The following ZNF385D variants were observed in gnomAD, a reference collection of about 807,000 sequenced individuals.
ZNF385D encodes zinc finger protein 659.
Under a neutral mutation model 35.8 loss-of-function variants are expected in ZNF385D, and 15 were observed. That is an observed-to-expected ratio of 0.42 (90% CI 0.28 to 0.64). The LOEUF (loss-of-function observed/expected upper bound fraction) is 0.64. Among genes scored for constraint, ZNF385D ranks in the 30% least tolerant of loss-of-function variants. The pLI, the probability that ZNF385D is intolerant of heterozygous loss-of-function variation, is 0.23. For missense variants in ZNF385D, 474 were observed against 494.6 expected (o/e 0.96, Z 0.39); for synonymous variants, 212 against 186.8 (o/e 1.13, Z -1.10).
chr3:22,207,484 C>G (rs1697232762), intron 2 of ZNF385D, among the ~76,000 whole-genome samples: 1 of 151,884 alleles, frequency 6.6e-6, no homozygotes, highest in Non-Finnish European at 1.5e-5. Context: ...AACCATGAAA[C>G]TACTATAATA....
chr3:22,195,070 T>C (rs1161691493), intron 2 of ZNF385D, among the ~76,000 whole-genome samples: 2 of 151,932 alleles, frequency 1.3e-5, no homozygotes, highest in Non-Finnish European at 2.9e-5. Flanking sequence ...GAAAGTATTA[T>C]TTTGAATTTC....
chr3:21,901,477 G>T (rs922523293), intron 3 of ZNF385D, among the ~76,000 whole-genome samples: 1 of 152,180 alleles, frequency 6.6e-6, no homozygotes, highest in Non-Finnish European at 1.5e-5. Context: ...TAATAATAGT[G>T]TGGGAGTAGG....
In ZNF385D at chr3:21,420,633, A is replaced by T. The variant is rs918442549; in HGVS notation, c.*581T>A. 3.9e-5 allele frequency: 6 copies of T among 152,264 alleles called. No homozygotes were observed. The highest frequency in any genetic ancestry group is 1.4e-4 in the African/African-American group (6 of 41,420). 9.4% of individuals were successfully genotyped at this position (152,264 alleles called of 1,614,324 possible). ...CATTCTACCTTTGCAATTCTTTAAA[A>T]CCTAGTGGCATAGATTGAGACACAG... On this transcript the variant is annotated 3_prime_UTR_variant, in exon 8 of 8. Coordinates refer to ENST00000281523, the MANE Select transcript of ZNF385D (RefSeq NM_024697.3).
chr3:21,756,083 T>G (rs9310657), upstream of ZNF385D, among the ~76,000 whole-genome samples: 103,356 of 151,932 alleles, frequency 0.68, 36,204 homozygotes, highest in East Asian at 0.9. Context: ...TTGACATGCT[T>G]CAACAAGTTC....
chr3:21,514,560 A>G lies in ZNF385D; in HGVS notation c.277-3537T>C, dbSNP rs115302530. On this transcript the variant is annotated intron_variant, in intron 3 of 7. Transcript: ENST00000281523. ...CTGTATAACAAGTAGCGGAATCTAA[A>G]TCAGTCACAGCAACTGGACTTAAGT... Among the ~76,000 whole-genome samples the G allele has an allele frequency of 2.5e-3, 382 of 152,198 alleles. 3 individuals are homozygous for G. The highest frequency in any genetic ancestry group is 8.8e-3 in the African/African-American group (366 of 41,554).
At chr3:22,262,344 G>A (rs989348587) in intron 2 of ZNF385D, among the ~76,000 whole-genome samples, 3 of 151,992 alleles carry the variant, frequency 2.0e-5, no homozygotes, top group East Asian at 3.9e-4. Context: ...ATGGAAGAAT[G>A]GGTAAGAAAT....
At chr3:22,211,898 A>C (rs1006546038) in intron 2 of ZNF385D, among the ~76,000 whole-genome samples, 1 of 152,010 alleles carries the variant, frequency 6.6e-6, no homozygotes. Flanking sequence ...TTTTTAATTC[A>C]ACAATATGAT....
chr3:21,422,478 C>T (rs151158905), intron 7 of ZNF385D, among the ~76,000 whole-genome samples: 25 of 152,200 alleles, frequency 1.6e-4, no homozygotes, highest in African/African-American at 5.1e-4. Flanking sequence ...GGAACTTCTC[C>T]CTAACTCATT....
intron 3 of ZNF385D, among the ~76,000 whole-genome samples, chr3:22,024,086 T>C (rs760688089): frequency 3.3e-5 from 5 of 152,028 alleles, no homozygotes; most frequent in Non-Finnish European, 7.4e-5. Context: ...CCTAATCAGC[T>C]GCCAGTGAAT....
chr3:21,713,221 C>T (rs1471823644), intron 1 of ZNF385D, among the ~76,000 whole-genome samples: 3 of 152,180 alleles, frequency 2.0e-5, no homozygotes, highest in African/African-American at 7.2e-5. Flanking sequence ...ACAAGAAGAG[C>T]CAGCAGTGTA....
intron 3 of ZNF385D, among the ~76,000 whole-genome samples, chr3:21,975,121 C>G (rs1182862635): frequency 6.6e-6 from 1 of 152,162 alleles, no homozygotes; most frequent in Admixed American, 6.5e-5. Flanking sequence ...TGCACTTCCA[C>G]AGTTTGTGGC....
At chr3:21,434,461 C>T (rs1302259735) in intron 5 of ZNF385D, among the ~76,000 whole-genome samples, 2 of 152,040 alleles carry the variant, frequency 1.3e-5, no homozygotes, top group Admixed American at 6.6e-5. Context: ...CCTGGATTTC[C>T]CCATACCACA....
chr3:21,781,667 T>C (rs1398887017), intron 3 of ZNF385D, among the ~76,000 whole-genome samples: 1 of 152,084 alleles, frequency 6.6e-6, no homozygotes, highest in Non-Finnish European at 1.5e-5. Context: ...CTTGACGACA[T>C]GAGCCAGACA....
chr3:22,201,861 G>C (rs1696821712), intron 2 of ZNF385D, among the ~76,000 whole-genome samples: 1 of 151,482 alleles, frequency 6.6e-6, no homozygotes, highest in Non-Finnish European at 1.5e-5. Flanking sequence ...TATTTTCTCA[G>C]TTCTTCATTG....
At chr3:21,983,132 C>T (rs1481433555) in intron 3 of ZNF385D, among the ~76,000 whole-genome samples, 2 of 147,536 alleles carry the variant, frequency 1.4e-5, no homozygotes, top group Admixed American at 6.7e-5. Flanking sequence ...AGTCCCTCCT[C>T]CTCAATTTTT....
At chr3:22,352,127 G>C (rs950861099) in intron 2 of ZNF385D, among the ~76,000 whole-genome samples, 3 of 152,134 alleles carry the variant, frequency 2.0e-5, no homozygotes, top group Non-Finnish European at 4.4e-5. Context: ...CACCCTGCAA[G>C]ACTAAGAAGT....
chr3:22,240,106 C>T (rs566655647), intron 2 of ZNF385D, among the ~76,000 whole-genome samples: 6 of 146,394 alleles, frequency 4.1e-5, no homozygotes, highest in African/African-American at 1.3e-4. Context: ...TCACCTGAGC[C>T]CAGGAGGTCA....
In ZNF385D at chr3:22,042,218, A is replaced by C. The variant is rs192880386; in HGVS notation, c.325+126599T>G. On this transcript the variant is annotated intron_variant, in intron 3 of 5. Coordinates refer to the ZNF385D transcript ENST00000494108. ...CTAGTTATGAAACTGGGAATCCTCT[A>C]CAAACCTCATTTCTTAATCTGCAAA... Among the ~76,000 whole-genome samples the C allele has an allele frequency of 1.8e-3, 280 of 152,206 alleles. 2 individuals are homozygous for C. The highest frequency in any genetic ancestry group is 5.9e-3 in the African/African-American group (244 of 41,540).
chr3:21,868,557 T>C (rs1008943918), intron 3 of ZNF385D, among the ~76,000 whole-genome samples: 5 of 152,128 alleles, frequency 3.3e-5, no homozygotes, highest in Non-Finnish European at 7.4e-5. Context: ...TTCCTCGTCA[T>C]CTATTCAGAG....
Sources: gnomAD v4.1 joint callset for allele counts (sites outside exome capture counted in the v4.1 genomes callset) on GRCh38, gnomAD v4.1.1 for gene constraint, MANE v1.5 for transcripts, NCBI Gene and HGNC (gene_info 2026-07-23, HGNC 2026-07-21) for gene names.